Variants in PLEKHA6 observed in about 807,000 individuals in gnomAD.
PLEKHA6 encodes the protein pleckstrin homology domain-containing family A member 6.
A neutral mutation model predicts 116.7 loss-of-function variants in PLEKHA6; 60 were observed. That is an observed-to-expected ratio of 0.51 (90% CI 0.42 to 0.64). The LOEUF (loss-of-function observed/expected upper bound fraction) is 0.64, where lower values mean the gene tolerates loss of function less well. Among genes scored for constraint, PLEKHA6 ranks in the 30% least tolerant of loss-of-function variants. The probability of loss-of-function intolerance (pLI) is 0.00; values close to 1 mark genes in which losing one functional copy is unlikely to be tolerated. For synonymous variants in PLEKHA6, 489 were observed against 556.1 expected (o/e 0.88, Z 1.70); for missense variants, 1,338 against 1,422.7 (o/e 0.94, Z 0.96).
At chr1:204,342,115 G>T (rs1427752410) in intron 1 of PLEKHA6, among the ~76,000 whole-genome samples, 1 of 152,184 alleles carries the variant, frequency 6.6e-6, no homozygotes, top group Non-Finnish European at 1.5e-5. Context: ...AGCCTGGGAG[G>T]CAGAGGTTGC....
intron 1 of PLEKHA6, among the ~76,000 whole-genome samples, chr1:204,349,819 G>A (rs538685309): frequency 6.6e-6 from 1 of 152,348 alleles, no homozygotes; most frequent in South Asian, 2.1e-4. Context: ...GAGCCTTAGT[G>A]CGCATGCTGT....
intron 15 of PLEKHA6, chr1:204,243,239 G>T (rs1031739064): frequency 5.0e-6 from 2 of 399,596 alleles, no homozygotes; most frequent in East Asian, 7.1e-5. Flanking sequence ...GCTTTGGGGA[G>T]GGGAGGCCGA....
rs141759825 is a variant in PLEKHA6, at chr1:204,327,772, A to T, written c.-95+31922T>A. Among the ~76,000 whole-genome samples the T allele has an allele frequency of 1.3e-3, 196 of 152,336 alleles. 2 individuals are homozygous for T. The highest frequency in any genetic ancestry group is 4.5e-3 in the African/African-American group (186 of 41,588). Reference sequence around the variant, plus strand: ...CAGCCCAGGCCTCCAAAAGGGAAAAATACAAGAGCAAGTATAAGCCAAACC... The same window carrying T: ...CAGCCCAGGCCTCCAAAAGGGAAAATTACAAGAGCAAGTATAAGCCAAACC... On this transcript the variant is annotated intron_variant, in intron 1 of 22. Coordinates refer to ENST00000272203, the MANE Select transcript of PLEKHA6 (RefSeq NM_014935.5).
intron 1 of PLEKHA6, among the ~76,000 whole-genome samples, chr1:204,344,293 C>T (rs1672950505): frequency 6.6e-6 from 1 of 152,116 alleles, no homozygotes; most frequent in Non-Finnish European, 1.5e-5. Context: ...AAATAGCCCG[C>T]TCCTTCTCAA....
At chr1:204,272,387 G>A (rs974580684) in intron 3 of PLEKHA6, among the ~76,000 whole-genome samples, 1 of 151,902 alleles carries the variant, frequency 6.6e-6, no homozygotes, top group African/African-American at 2.4e-5. Context: ...TTCCCCTCAC[G>A]CCTCTGACAT....
chr1:204,309,608 G>C (rs534718084), intron 1 of PLEKHA6: 1 of 314,426 alleles, frequency 3.2e-6, no homozygotes, highest in South Asian at 1.3e-4. Flanking sequence ...TGTCATGTTC[G>C]CATGACAACA....
In PLEKHA6 at chr1:204,257,491, CT is replaced by C; in HGVS notation, c.1385del (p.Gln462ArgfsTer38). On this transcript the variant is annotated frameshift_variant, in exon 9 of 23. Transcript: ENST00000272203. LOFTEE classifies it high-confidence loss of function. The surrounding 1 kb of genome is among the most constrained non-coding windows in gnomAD (Gnocchi z 6.5). Reference protein sequence around the residue: ...RSHSVPRSPSQGSYSRARIYS... With the variant: ...RSHSVPRSPSXGSYSRARIYS... ...AAATGCGGGCACGGCTGTAGGAGCC[CT>C]GGCTGGGTGAGCGGGGCACAGAGTG... The C allele has an allele frequency of 1.9e-6, 3 of 1,582,814 alleles. No homozygotes were observed. The highest frequency in any genetic ancestry group is 2.6e-6 in the Non-Finnish European group (3 of 1,162,986).
At chr1:204,256,803 A>G (rs1468340261) in intron 9 of PLEKHA6, 2 of 634,184 alleles carry the variant, frequency 3.2e-6, no homozygotes, top group South Asian at 1.8e-5. Context: ...AGGACGTACC[A>G]TCTTATCGTG....
intron 17 of PLEKHA6, among the ~76,000 whole-genome samples, chr1:204,232,308 G>A (rs1661303937): frequency 6.6e-6 from 1 of 152,090 alleles, no homozygotes; most frequent in Non-Finnish European, 1.5e-5. Flanking sequence ...GAGAAACCAG[G>A]GCTTTTTTAT....
intron 1 of PLEKHA6, among the ~76,000 whole-genome samples, chr1:204,345,868 A>G (rs995495064): frequency 2.0e-5 from 3 of 151,774 alleles, no homozygotes; most frequent in African/African-American, 7.3e-5. Flanking sequence ...CAGCTCACCC[A>G]ACTTCCCAGT....
In PLEKHA6 at chr1:204,259,684, G is replaced by T. The variant is rs1230446778; in HGVS notation, c.581C>A (p.Pro194His). Residue 194 changes from proline to histidine, a missense_variant, in exon 8 of 23, where the codon CCC becomes CAC. Physicochemically the swap from Pro to His is moderately conservative, Grantham distance 77. Coordinates refer to ENST00000272203, the MANE Select transcript of PLEKHA6 (RefSeq NM_014935.5). The surrounding 1 kb of genome is among the most constrained non-coding windows in gnomAD (Gnocchi z 4.6). ...VPPSKHHQQP[P>H]HNSLPKPEPE... ...CTCAGGCTTAGGGAGGCTGTTGTGG[G>T]GTGGCTGCTGGTGGTGCTTGCTGGG... is the stretch of plus-strand genomic sequence containing the variant. The T allele has an allele frequency of 5.0e-6, 8 of 1,613,940 alleles. No individual in the cohort carries two copies. Among genetic ancestry groups the T allele is most frequent in the Non-Finnish European group, 6.8e-6 (8 of 1,179,888 alleles).
At chr1:204,369,767 A>T (rs1673739346) in intron 2 of PLEKHA6, 1 of 150,918 alleles carries the variant, frequency 6.6e-6, no homozygotes, top group South Asian at 2.1e-4. Context: ...TTCATCTTCC[A>T]CTCCTACCTA....
At chr1:204,275,211 A>G (rs920119683) in intron 1 of PLEKHA6, among the ~76,000 whole-genome samples, 1 of 152,080 alleles carries the variant, frequency 6.6e-6, no homozygotes, top group African/African-American at 2.4e-5. Context: ...ATAAAAAAAA[A>G]GCTCCCCCAT....
At chr1:204,247,599 G>C (rs1235538105) in intron 12 of PLEKHA6, 139 bp from the exon 13 acceptor site, 1 of 582,260 alleles carries the variant, frequency 1.7e-6, no homozygotes, top group Non-Finnish European at 3.1e-6. Flanking sequence ...AAGGAGAGGG[G>C]CACCAGGCTG....
At chr1:204,226,803 T>C (rs903136377) in intron 21 of PLEKHA6, among the ~76,000 whole-genome samples, 12 of 152,228 alleles carry the variant, frequency 7.9e-5, no homozygotes, top group African/African-American at 2.9e-4. Context: ...TCTGAAAATA[T>C]CCATATTTAA....
At chr1:204,322,543 C>T (rs1394780653) in intron 1 of PLEKHA6, among the ~76,000 whole-genome samples, 1 of 152,210 alleles carries the variant, frequency 6.6e-6, no homozygotes, top group Non-Finnish European at 1.5e-5. Context: ...CATTAGTGGA[C>T]AATAGAAACT....
chr1:204,234,523 C>T (rs4434894), intron 17 of PLEKHA6, among the ~76,000 whole-genome samples: 1 of 151,920 alleles, frequency 6.6e-6, no homozygotes, highest in Non-Finnish European at 1.5e-5. Flanking sequence ...ATTTCATCAA[C>T]GCACATTATG....
At chr1:204,272,015 A>G (rs184456814) in intron 3 of PLEKHA6, among the ~76,000 whole-genome samples, 1 of 152,148 alleles carries the variant, frequency 6.6e-6, no homozygotes, top group African/African-American at 2.4e-5. Flanking sequence ...TATCATTTAC[A>G]TTAGGTATAT....
intron 17 of PLEKHA6, among the ~76,000 whole-genome samples, chr1:204,234,477 T>C (rs1415266964): frequency 6.6e-6 from 1 of 152,228 alleles, no homozygotes; most frequent in Non-Finnish European, 1.5e-5. Context: ...CACATTTGAC[T>C]CTGAACACTG....
Sources: allele counts gnomAD v4.1 joint callset (sites outside exome capture counted in the v4.1 genomes callset), GRCh38; gene constraint gnomAD v4.1.1; non-coding constraint Gnocchi (gnomAD v3.1); transcripts MANE v1.5; gene names NCBI Gene and HGNC (gene_info 2026-07-23, HGNC 2026-07-21).